The following SHROOM3 variants were observed in gnomAD, a reference collection of about 807,000 sequenced individuals.
SHROOM3 encodes the protein protein Shroom3.
SHROOM3 carries 47 observed loss-of-function variants against 138.6 expected under a neutral mutation model. The ratio of observed to expected loss-of-function variants is 0.34; its 90% confidence interval spans 0.27 to 0.43. SHROOM3 has a LOEUF of 0.43. Among genes scored for constraint, SHROOM3 ranks in the 20% least tolerant of loss-of-function variants. The pLI, the probability that SHROOM3 is intolerant of heterozygous loss-of-function variation, is 1.00. For missense variants in SHROOM3, 2,491 were observed against 2,596.5 expected (o/e 0.96, Z 0.88); for synonymous variants, 1,062 against 1,063.3 (o/e 1.00, Z 0.02).
At chr4:76,702,614 C>T (rs972915128) in intron 2 of SHROOM3, among the ~76,000 whole-genome samples, 1 of 152,194 alleles carries the variant, frequency 6.6e-6, no homozygotes, top group Non-Finnish European at 1.5e-5. Flanking sequence ...CCGGAATCCA[C>T]ATCGTCCATA....
chr4:76,524,291 T>C (rs1044157485), intron 1 of SHROOM3, among the ~76,000 whole-genome samples: 10 of 152,100 alleles, frequency 6.6e-5, no homozygotes, highest in African/African-American at 2.4e-4. Context: ...GAAAGAGCCC[T>C]ATTTCTACTG....
intron 2 of SHROOM3, among the ~76,000 whole-genome samples, chr4:76,579,771 C>G (rs1030203399): frequency 6.6e-6 from 1 of 152,220 alleles, no homozygotes; most frequent in African/African-American, 2.4e-5. Context: ...AACACAAACA[C>G]TGGTTGGCCA....
At chr4:76,735,851 AAAAAAAAAAAAAAAAAAATATATATATAT>A (rs1341373194) in intron 4 of SHROOM3, among the ~76,000 whole-genome samples, 5 of 62,096 alleles carry the variant, frequency 8.1e-5, no homozygotes, top group African/African-American at 2.3e-4. Context: ...AAAAAAAAAA[AAAAAAAAAAAAAAAAAAATATATATATAT>A]ATATATATAT....
At chr4:76,568,469 A>G (rs1304628841) in intron 2 of SHROOM3, among the ~76,000 whole-genome samples, 1 of 152,176 alleles carries the variant, frequency 6.6e-6, no homozygotes, top group Non-Finnish European at 1.5e-5. Context: ...TATGGTCAAT[A>G]GTTTCATCAC....
chr4:76,718,654 A>G (rs1271337445), intron 3 of SHROOM3, among the ~76,000 whole-genome samples: 2 of 152,224 alleles, frequency 1.3e-5, no homozygotes, highest in African/African-American at 4.8e-5. Flanking sequence ...AGTGAAAAAT[A>G]TAACACAAGG....
chr4:76,657,521 C>G (rs941122592), intron 2 of SHROOM3, among the ~76,000 whole-genome samples: 7 of 152,152 alleles, frequency 4.6e-5, no homozygotes, highest in African/African-American at 1.4e-4. Flanking sequence ...ATTACTAGCG[C>G]TAACATTTTT....
chr4:76,778,893 C>T lies in SHROOM3; in HGVS notation c.5707C>T (p.Arg1903Ter). ...GAAGGAGAACCTGGATCGCAGGGAG[C>T]GAGTAGTGCTGGGCATCTTGGCCAA... Reference protein sequence around the residue: ...ELKENLDRRERVVLGILANYL... With the variant: ...ELKENLDRRE The change falls in exon 11 of 11, where the codon CGA becomes TGA. Residue 1903 changes from arginine to a stop codon, truncating the protein, a stop_gained. Transcript: ENST00000296043. LOFTEE classifies it low-confidence loss of function (END_TRUNC). 2 of 1,613,366 alleles carry T rather than the reference C, an allele frequency of 1.2e-6. No individual in the cohort carries two copies. The highest frequency in any genetic ancestry group is 1.7e-6 in the Non-Finnish European group (2 of 1,180,030).
intron 2 of SHROOM3, among the ~76,000 whole-genome samples, chr4:76,642,439 G>T (rs1166634216): frequency 1.3e-5 from 2 of 152,182 alleles, no homozygotes; most frequent in African/African-American, 4.8e-5. Flanking sequence ...CAGCTTTCTT[G>T]AATATGCAGT....
intron 2 of SHROOM3, among the ~76,000 whole-genome samples, chr4:76,676,944 CAAAAAA>C (rs58270392): frequency 1.7e-3 from 136 of 79,032 alleles, no homozygotes; most frequent in South Asian, 4.8e-3. Flanking sequence ...CTCCGTCTCA[CAAAAAA>C]AAAAAAAAAA....
chr4:76,497,963 G>A (rs1479924386), intron 1 of SHROOM3, among the ~76,000 whole-genome samples: 1 of 152,208 alleles, frequency 6.6e-6, no homozygotes, highest in African/African-American at 2.4e-5. Context: ...TCGAGCCCCT[G>A]GTCAATGTGA....
chr4:76,518,435 G>T (rs528579759), intron 1 of SHROOM3, among the ~76,000 whole-genome samples: 37 of 152,030 alleles, frequency 2.4e-4, no homozygotes, highest in Middle Eastern at 6.8e-3. Flanking sequence ...TAATGGACAG[G>T]GTTTTATTTC....
intron 3 of SHROOM3, among the ~76,000 whole-genome samples, chr4:76,712,873 G>A (rs977550891): frequency 6.6e-6 from 1 of 152,194 alleles, no homozygotes; most frequent in Non-Finnish European, 1.5e-5. Context: ...GGGCCATTTG[G>A]TGTAGCCTAG....
chr4:76,580,254 C>T (rs970715640), intron 2 of SHROOM3, among the ~76,000 whole-genome samples: 1 of 152,202 alleles, frequency 6.6e-6, no homozygotes, highest in Non-Finnish European at 1.5e-5. Flanking sequence ...GTGGCATATC[C>T]TCACTAAGGA....
chr4:76,614,244 CAG>C (rs1463509530), intron 2 of SHROOM3, among the ~76,000 whole-genome samples: 12 of 152,006 alleles, frequency 7.9e-5, no homozygotes, highest in African/African-American at 2.7e-4. Context: ...TTAGTAGAGA[CAG>C]GGTTTCACCA....
intron 2 of SHROOM3, among the ~76,000 whole-genome samples, chr4:76,622,976 G>C (rs1027933551): frequency 6.6e-6 from 1 of 152,124 alleles, no homozygotes; most frequent in Non-Finnish European, 1.5e-5. Flanking sequence ...TTTCTCACTG[G>C]TGTTTGCTCT....
intron 1 of SHROOM3, among the ~76,000 whole-genome samples, chr4:76,497,338 T>TA (rs1731989074): frequency 6.6e-6 from 1 of 152,158 alleles, no homozygotes; most frequent in Non-Finnish European, 1.5e-5. Context: ...TCTTTCTAAG[T>TA]AAAAAATAAT....
intron 5 of SHROOM3, among the ~76,000 whole-genome samples, chr4:76,743,440 G>A (rs142648211): frequency 1.6e-4 from 24 of 152,256 alleles, no homozygotes; most frequent in Middle Eastern, 3.4e-3. Flanking sequence ...TGTATGTGAC[G>A]ATTGATCCAT....
At chr4:76,700,760 T>TTTTC (rs201317217) in intron 2 of SHROOM3, among the ~76,000 whole-genome samples, 3 of 151,792 alleles carry the variant, frequency 2.0e-5, no homozygotes, top group Admixed American at 6.6e-5. Flanking sequence ...TATCTTTTTT[T>TTTTC]TTTCTTTCTT....
rs148089594 is a variant in SHROOM3, at chr4:76,598,411, T to C, written c.323+42648T>C. Among the ~76,000 whole-genome samples the C allele has an allele frequency of 2.8e-3, 426 of 152,284 alleles. 3 individuals are homozygous for C. The highest frequency in any genetic ancestry group is 5.3e-3 in the Non-Finnish European group (362 of 68,026). On this transcript the variant is annotated intron_variant, in intron 2 of 10. Coordinates refer to ENST00000296043, the MANE Select transcript of SHROOM3 (RefSeq NM_020859.4). ...ATGAAAGCTTCTTGTAGGAGGATGA[T>C]TGTCTTGATCTTTGGAAAGATGAAC...
Sources: allele counts gnomAD v4.1 joint callset (sites outside exome capture counted in the v4.1 genomes callset), GRCh38; gene constraint gnomAD v4.1.1; transcripts MANE v1.5; gene names NCBI Gene and HGNC (gene_info 2026-07-23, HGNC 2026-07-21).